NGEF: variants seen among roughly 807,000 people sequenced by gnomAD.
The protein encoded by NGEF is ephexin-1.
Under a neutral mutation model 80.9 loss-of-function variants are expected in NGEF, and 31 were observed. The ratio of observed to expected loss-of-function variants is 0.38; its 90% confidence interval spans 0.29 to 0.52. The LOEUF is 0.52. Ranked by LOEUF, NGEF falls within the 20% of genes least tolerant of loss-of-function variation. The pLI, the probability that NGEF is intolerant of heterozygous loss-of-function variation, is 0.84. For synonymous variants in NGEF, 371 were observed against 370.2 expected, an observed-to-expected ratio of 1.00 and a Z score of -0.03; for missense variants, 709 against 926.2, an observed-to-expected ratio of 0.77 and a Z score of 3.04.
chr2:232,941,268 T>C (rs931486425), intron 3 of NGEF, among the ~76,000 whole-genome samples: 4 of 151,852 alleles, frequency 2.6e-5, no homozygotes, highest in African/African-American at 9.7e-5. Context: ...AGCACTGATC[T>C]TAGGAGCAGT....
At chr2:232,957,235 A>G (rs1377670648) in intron 3 of NGEF, among the ~76,000 whole-genome samples, 1 of 152,212 alleles carries the variant, frequency 6.6e-6, no homozygotes, top group Non-Finnish European at 1.5e-5. Context: ...TAAAAACTAA[A>G]GATGTAATTA....
intron 1 of NGEF, among the ~76,000 whole-genome samples, chr2:232,986,553 C>T (rs968011472): frequency 2.0e-5 from 3 of 152,188 alleles, no homozygotes; most frequent in African/African-American, 7.2e-5. Context: ...CCATTTGCAA[C>T]AGCATGGATG....
chr2:232,925,566 A>T (rs1693044931), intron 4 of NGEF, among the ~76,000 whole-genome samples: 1 of 152,154 alleles, frequency 6.6e-6, no homozygotes, highest in Non-Finnish European at 1.5e-5. Flanking sequence ...TTCTGCCACC[A>T]GCCCAGCAGG....
chr2:232,882,578 C>T (rs1397954205), intron 12 of NGEF, among the ~76,000 whole-genome samples: 1 of 152,234 alleles, frequency 6.6e-6, no homozygotes, highest in African/African-American at 2.4e-5. Flanking sequence ...GAGCACATTC[C>T]GTGGCCACAG....
chr2:232,950,773 C>T (rs1217496964), intron 3 of NGEF, among the ~76,000 whole-genome samples: 2 of 152,180 alleles, frequency 1.3e-5, no homozygotes, highest in Non-Finnish European at 2.9e-5. Flanking sequence ...CACTGCCTGT[C>T]TCTCAACCCC....
intron 1 of NGEF, among the ~76,000 whole-genome samples, chr2:233,008,539 C>T (rs748010491): frequency 7.2e-5 from 11 of 152,334 alleles, no homozygotes; most frequent in South Asian, 2.1e-4. Flanking sequence ...CACTTTGGGG[C>T]GGGACCTGGG....
intron 5 of NGEF, among the ~76,000 whole-genome samples, chr2:232,910,240 G>C (rs1692662388): frequency 6.6e-6 from 1 of 151,858 alleles, no homozygotes; most frequent in Admixed American, 6.6e-5. Context: ...CCAGGGGTGG[G>C]AGGGGGGTGG....
intron 2 of NGEF, among the ~76,000 whole-genome samples, chr2:232,972,846 T>C (rs1694223475): frequency 1.4e-5 from 2 of 146,178 alleles, no homozygotes; most frequent in South Asian, 4.6e-4. Flanking sequence ...AACCTCTGCC[T>C]CCTGGGTTCA....
rs767807802 is a variant in NGEF at position 232,888,458 on chromosome 2, GCA to G, written c.1273-353_1273-352del. On this transcript the variant is annotated intron_variant, in intron 8 of 14. Transcript: ENST00000264051. ...CTCACACATGCACAACACGATGCAT[GCA>G]CACTTGCAAGCACAGTGCACACACA... 4.6e-5 allele frequency among the ~76,000 whole-genome samples: 7 copies of G among 152,048 alleles called. No individual in the cohort carries two copies. In the East Asian group the frequency reaches 1.2e-3, roughly 25 times the overall value.
intron 1 of NGEF, among the ~76,000 whole-genome samples, chr2:232,975,886 G>A (rs1023378564): frequency 1.1e-4 from 17 of 152,104 alleles, no homozygotes; most frequent in Non-Finnish European, 1.8e-4. Flanking sequence ...TGGCCTATCG[G>A]TCCAGAGATT....
At chr2:232,899,976 A>T (rs2592108) in intron 5 of NGEF, among the ~76,000 whole-genome samples, 1 of 89,102 alleles carries the variant, frequency 1.1e-5, no homozygotes, top group Admixed American at 1.1e-4. Flanking sequence ...TCATATACAC[A>T]TTCACTCATT....
intron 5 of NGEF, among the ~76,000 whole-genome samples, chr2:232,897,046 A>AG (rs1020063430): frequency 8.1e-5 from 8 of 98,976 alleles, no homozygotes; most frequent in African/African-American, 3.2e-4. Flanking sequence ...GGGTGAGGTT[A>AG]GGGGTAAGGG....
intron 3 of NGEF, among the ~76,000 whole-genome samples, chr2:232,964,221 A>G (rs1694012129): frequency 1.3e-5 from 2 of 152,220 alleles, no homozygotes; most frequent in South Asian, 4.1e-4. Flanking sequence ...TCTAAGACCT[A>G]GCAAGTCCAC....
chr2:232,927,796 A>C, intron 3 of NGEF: 3 of 704,398 alleles, frequency 4.3e-6, no homozygotes, highest in Non-Finnish European at 3.9e-6. Context: ...AGGAGTGGGG[A>C]TAGGCCGCGC....
intron 1 of NGEF, among the ~76,000 whole-genome samples, chr2:233,000,518 G>T (rs190453388): frequency 6.6e-6 from 1 of 152,126 alleles, no homozygotes; most frequent in East Asian, 1.9e-4. Flanking sequence ...AGCACTTTGG[G>T]AGGCCGAGGC....
Position 232,970,198 on chromosome 2 carries a change from A to G in NGEF, c.383+16T>C. Reference sequence around the variant, plus strand: ...CTTTCCCAGACCAGCATTCCTCATGATCTGCCATCTCTTACCTCATTTCCT... The same window carrying G: ...CTTTCCCAGACCAGCATTCCTCATGGTCTGCCATCTCTTACCTCATTTCCT... On this transcript the variant is annotated intron_variant, in intron 3 of 14. Transcript: ENST00000264051. 1 of 1,461,768 alleles carries G rather than the reference A, an allele frequency of 6.8e-7. No homozygotes were observed. 90.5% of individuals were successfully genotyped at this position (1,461,768 alleles called of 1,614,324 possible).
chr2:232,879,429 C>G lies in NGEF; in HGVS notation c.*60G>C, dbSNP rs751706690. 8,275 of 1,456,260 alleles carry G rather than the reference C, an allele frequency of 5.7e-3. 290 individuals carry two copies. The Admixed American group carries it at 0.077, about 14-fold the overall frequency. The allele number at this position is 1,456,260 out of a possible 1,614,324, so 90.2% of individuals were successfully genotyped here. Reference sequence around the variant, plus strand: ...GCCTGTGCTTCCCAGAGCCCCCCCCCCCCCACCTTCTGTCGGGGTCTCATG... The same window carrying G: ...GCCTGTGCTTCCCAGAGCCCCCCCCGCCCCACCTTCTGTCGGGGTCTCATG... On this transcript the variant is annotated 3_prime_UTR_variant, in exon 15 of 15. Transcript: ENST00000264051.
intron 1 of NGEF, among the ~76,000 whole-genome samples, chr2:232,983,817 T>C (rs1324194859): frequency 6.6e-6 from 1 of 152,154 alleles, no homozygotes; most frequent in Admixed American, 6.5e-5. Flanking sequence ...CAACATCTCT[T>C]TTAGAGACGA....
At chr2:232,921,390 G>A (rs377720535) in intron 4 of NGEF, among the ~76,000 whole-genome samples, 6 of 152,272 alleles carry the variant, frequency 3.9e-5, no homozygotes, top group African/African-American at 1.4e-4. Context: ...TGCCACAGAG[G>A]CAGGAGTCTA....
Sources: allele counts gnomAD v4.1 joint callset (sites outside exome capture counted in the v4.1 genomes callset), GRCh38; gene constraint gnomAD v4.1.1; transcripts MANE v1.5; gene names NCBI Gene and HGNC (gene_info 2026-07-23, HGNC 2026-07-21).